The following SLC12A7 variants were observed in gnomAD, a reference collection of about 807,000 sequenced individuals.
SLC12A7 encodes the protein K-Cl cotransporter 4.
SLC12A7 carries 100 observed loss-of-function variants against 120.6 expected under a neutral mutation model. The observed-to-expected ratio is 0.83, with a 90% confidence interval of 0.71 to 0.98. The LOEUF is 0.98. Among genes scored for constraint, SLC12A7 ranks in the 50% least tolerant of loss-of-function variants. SLC12A7 has a pLI of 0.00. For synonymous variants in SLC12A7, 760 were observed against 678.0 expected, an observed-to-expected ratio of 1.12 and a Z score of -1.88; for missense variants, 1,373 against 1,548.1, an observed-to-expected ratio of 0.89 and a Z score of 1.90.
At chr5:1,064,348 G>T in intron 18 of SLC12A7, 96 bp from the exon 19 acceptor site, 1 of 1,398,262 alleles carries the variant, frequency 7.2e-7, no homozygotes, top group Non-Finnish European at 9.5e-7. Flanking sequence ...CGGGCACGGC[G>T]AGGCGAGGGG....
intron 23 of SLC12A7, among the ~76,000 whole-genome samples, chr5:1,053,147 C>T (rs1002481642): frequency 1.3e-5 from 2 of 152,212 alleles, no homozygotes; most frequent in Non-Finnish European, 2.9e-5. Flanking sequence ...TCCCCCACAC[C>T]AATGCCAGGG....
At chr5:1,094,937 G>A (rs559338024) in intron 1 of SLC12A7, among the ~76,000 whole-genome samples, 2 of 152,014 alleles carry the variant, frequency 1.3e-5, no homozygotes, top group African/African-American at 4.8e-5. Flanking sequence ...AATTGGTGGG[G>A]AGGAGGACTT....
At chr5:1,087,447 T>C (rs1321805203) in intron 5 of SLC12A7, among the ~76,000 whole-genome samples, 1 of 152,256 alleles carries the variant, frequency 6.6e-6, no homozygotes, top group African/African-American at 2.4e-5. Flanking sequence ...CCACGCACGC[T>C]ATCACTGGCG....
chr5:1,061,073 C>G (rs1384437830), intron 20 of SLC12A7, among the ~76,000 whole-genome samples: 3 of 103,338 alleles, frequency 2.9e-5, no homozygotes, highest in African/African-American at 4.1e-5. Context: ...ACCCGCCGCA[C>G]CTGCCGCATC....
intron 15 of SLC12A7, among the ~76,000 whole-genome samples, chr5:1,075,167 C>T (rs1187597439): frequency 6.6e-6 from 1 of 152,216 alleles, no homozygotes; most frequent in Non-Finnish European, 1.5e-5. Context: ...TCCACAAGTG[C>T]AGGCACCTCG....
chr5:1,118,998 A>G, the SLC12A7 span, among the ~76,000 whole-genome samples: 1 of 151,986 alleles, frequency 6.6e-6, no homozygotes, highest in African/African-American at 2.4e-5. Context: ...TCTGGGGGAG[A>G]GGGAGGGGCA....
At chr5:1,127,272 C>T in the SLC12A7 span, among the ~76,000 whole-genome samples, 1 of 152,240 alleles carries the variant, frequency 6.6e-6, no homozygotes, top group Non-Finnish European at 1.5e-5. Flanking sequence ...CTTGGCCTCC[C>T]AAAGTGCTGG....
the SLC12A7 span, among the ~76,000 whole-genome samples, chr5:1,125,373 TTTTAAG>T: frequency 1.3e-5 from 2 of 152,078 alleles, no homozygotes; most frequent in East Asian, 1.9e-4. Context: ...ACGGCACACT[TTTTAAG>T]TTTATTTTAG....
At chr5:1,141,609 C>T in the SLC12A7 span, among the ~76,000 whole-genome samples, 1 of 152,260 alleles carries the variant, frequency 6.6e-6, no homozygotes, top group Admixed American at 6.5e-5. Context: ...GGACAGCAGC[C>T]ACTAAGCTTG....
chr5:1,135,959 G>A, the SLC12A7 span, among the ~76,000 whole-genome samples: 9 of 152,290 alleles, frequency 5.9e-5, no homozygotes, highest in Admixed American at 4.6e-4. Flanking sequence ...TGGTGGCCTC[G>A]TCGGCCCTGC....
At chr5:1,075,263 G>A (rs760980728) in intron 15 of SLC12A7, 108 bp downstream of exon 15, 92 of 1,456,250 alleles carry the variant, frequency 6.3e-5, no homozygotes, top group African/African-American at 2.5e-4. Flanking sequence ...GAGGGCACAC[G>A]ACGCTCAAGC....
the SLC12A7 span, among the ~76,000 whole-genome samples, chr5:1,118,943 C>T: frequency 6.6e-6 from 1 of 152,182 alleles, no homozygotes; most frequent in Non-Finnish European, 1.5e-5. Flanking sequence ...GAGGGGCTCA[C>T]AACCCACACT....
At chr5:1,095,568 G>A (rs1267195244) in intron 1 of SLC12A7, among the ~76,000 whole-genome samples, 2 of 152,250 alleles carry the variant, frequency 1.3e-5, no homozygotes, top group Admixed American at 1.3e-4. Context: ...CCCTAGCCCT[G>A]CACAGAATGG....
intron 18 of SLC12A7, among the ~76,000 whole-genome samples, chr5:1,064,820 G>A (rs1736778584): frequency 1.4e-5 from 2 of 140,328 alleles, no homozygotes; most frequent in African/African-American, 2.7e-5. Context: ...GACAGTGAGG[G>A]AACGGCGAGG....
At position 1,075,999 on chromosome 5, in the gene SLC12A7, G is replaced by C. The variant is rs532527717; in HGVS notation, c.1847+139C>G. 8 of 672,642 alleles carry C rather than the reference G, an allele frequency of 1.2e-5. No individual in the cohort carries two copies. The South Asian group carries it at 1.5e-4, about 13-fold the overall frequency. 41.7% of individuals were successfully genotyped at this position (672,642 alleles called of 1,614,324 possible). A position where few individuals can be genotyped will look rare whatever the true frequency, so the allele number is the denominator to read the frequency against. ...GGACGCGCTGGGGTCTTCAGGCCCAGAGCAGCTGGCCTTGTAGAGGCACCC... is the reference window on the plus strand; with the variant it reads ...GGACGCGCTGGGGTCTTCAGGCCCACAGCAGCTGGCCTTGTAGAGGCACCC... On this transcript the variant is annotated intron_variant, in intron 14 of 23. Coordinates refer to ENST00000264930, the MANE Select transcript of SLC12A7 (RefSeq NM_006598.3).
intron 18 of SLC12A7, among the ~76,000 whole-genome samples, chr5:1,064,892 T>C (rs1462431608): frequency 3.4e-5 from 3 of 88,856 alleles, no homozygotes; most frequent in South Asian, 4.0e-4. Flanking sequence ...GAGGAGATGG[T>C]GAGGGGACCG....
chr5:1,084,024 C>T, intron 7 of SLC12A7, 68 bp from the exon 8 acceptor site: 2 of 1,392,968 alleles, frequency 1.4e-6, no homozygotes, highest in African/African-American at 1.4e-5. Context: ...CCACCCAGCT[C>T]CCCCAACGGG....
chr5:1,121,543 C>T, the SLC12A7 span, among the ~76,000 whole-genome samples: 10 of 152,216 alleles, frequency 6.6e-5, no homozygotes, highest in East Asian at 1.9e-4. Context: ...GAGAAGGCAG[C>T]GGCATTGGTG....
chr5:1,127,113 C>T, the SLC12A7 span, among the ~76,000 whole-genome samples: 1 of 152,204 alleles, frequency 6.6e-6, no homozygotes, highest in Admixed American at 6.5e-5. Flanking sequence ...CGCCCAGGTT[C>T]AAGTGATTCT....
Sources: allele counts gnomAD v4.1 joint callset (sites outside exome capture counted in the v4.1 genomes callset), GRCh38; gene constraint gnomAD v4.1.1; transcripts MANE v1.5; gene names NCBI Gene and HGNC (gene_info 2026-07-23, HGNC 2026-07-21).